CDKL1: variants seen among roughly 807,000 people sequenced by gnomAD.
CDKL1 encodes cyclin-dependent kinase-like 1.
In CDKL1, 41 loss-of-function variants were observed where a neutral mutation model predicts 42.0. The ratio of observed to expected loss-of-function variants is 0.98; its 90% CI spans 0.76 to 1.27. The LOEUF (loss-of-function observed/expected upper bound fraction) is 1.27. Ranked by LOEUF, CDKL1 falls within the 50% of genes most tolerant of loss-of-function variation. The pLI is 0.00. For synonymous variants in CDKL1, 153 were observed against 158.6 expected (o/e 0.96, Z 0.26); for missense variants, 394 against 428.4 (o/e 0.92, Z 0.71).
At chr14:50,376,207 T>C (rs2034727702) in intron 2 of CDKL1, 1 of 302,198 alleles carries the variant, frequency 3.3e-6, no homozygotes, top group South Asian at 3.6e-5. Context: ...CATGCTAATA[T>C]AAGATGTTAC....
chr14:50,363,526 G>C (rs1304006184), intron 2 of CDKL1, among the ~76,000 whole-genome samples: 1 of 152,170 alleles, frequency 6.6e-6, no homozygotes, highest in African/African-American at 2.4e-5. Flanking sequence ...CTTTCAGACT[G>C]AAAAATAATC....
chr14:50,372,307 A>T (rs2034612293), intron 2 of CDKL1, among the ~76,000 whole-genome samples: 1 of 151,886 alleles, frequency 6.6e-6, no homozygotes, highest in African/African-American at 2.4e-5. Context: ...TAGTAGAGAC[A>T]GAGTTTTGCC....
At chr14:50,370,054 TCTA>T (rs1403555588) in intron 2 of CDKL1, among the ~76,000 whole-genome samples, 1 of 151,874 alleles carries the variant, frequency 6.6e-6, no homozygotes, top group Non-Finnish European at 1.5e-5. Flanking sequence ...ACATTTGAAA[TCTA>T]CTCTTTTAGC....
chr14:50,343,477 T>A (rs1173643684), intron 4 of CDKL1, among the ~76,000 whole-genome samples: 1 of 152,192 alleles, frequency 6.6e-6, no homozygotes, highest in East Asian at 1.9e-4. Context: ...ATAATCGATC[T>A]GGTTCTTAGC....
At chr14:50,387,626 C>G (rs2035127081) in intron 2 of CDKL1, among the ~76,000 whole-genome samples, 1 of 152,162 alleles carries the variant, frequency 6.6e-6, no homozygotes, top group African/African-American at 2.4e-5. Context: ...CAGTTTGCCC[C>G]AGTCTCCACC....
At chr14:50,369,086 C>T (rs1321143093) in intron 2 of CDKL1, among the ~76,000 whole-genome samples, 1 of 152,032 alleles carries the variant, frequency 6.6e-6, no homozygotes, top group Non-Finnish European at 1.5e-5. Context: ...AGGCTGATCT[C>T]AAACTCTTGA....
chr14:50,374,530 A>G (rs1396521782), intron 2 of CDKL1, among the ~76,000 whole-genome samples: 2 of 152,274 alleles, frequency 1.3e-5, no homozygotes, highest in African/African-American at 4.8e-5. Flanking sequence ...CAAAGAGGGT[A>G]GAGGAAAAGC....
At chr14:50,345,222 T>C (rs1213107504) in intron 3 of CDKL1, among the ~76,000 whole-genome samples, 164 bp from the exon 4 acceptor site, 4 of 152,216 alleles carry the variant, frequency 2.6e-5, no homozygotes, top group Non-Finnish European at 5.9e-5. Flanking sequence ...TGTAAAAATA[T>C]GCGACCAGCA....
intron 2 of CDKL1, among the ~76,000 whole-genome samples, chr14:50,380,952 C>T (rs1334882235): frequency 6.6e-6 from 1 of 152,114 alleles, no homozygotes; most frequent in East Asian, 1.9e-4. Flanking sequence ...CAGGTGGGCA[C>T]CACCATGCCC....
intron 2 of CDKL1, among the ~76,000 whole-genome samples, chr14:50,376,642 T>A (rs941478081): frequency 6.6e-6 from 1 of 152,182 alleles, no homozygotes; most frequent in African/African-American, 2.4e-5. Flanking sequence ...AAAATAAATG[T>A]TCATTAAAAT....
intron 7 of CDKL1, among the ~76,000 whole-genome samples, chr14:50,336,725 T>C (rs2033297013): frequency 6.6e-6 from 1 of 152,202 alleles, no homozygotes; most frequent in Non-Finnish European, 1.5e-5. Context: ...TCTGAAATGT[T>C]TTTGATTACA....
chr14:50,389,478 T>TA (rs2035188454), intron 2 of CDKL1, among the ~76,000 whole-genome samples: 1 of 152,186 alleles, frequency 6.6e-6, no homozygotes, highest in African/African-American at 2.4e-5. Flanking sequence ...ATAAAAAAGT[T>TA]AGATTTTTTT....
intron 2 of CDKL1, among the ~76,000 whole-genome samples, chr14:50,372,838 A>C (rs1471778499): frequency 6.6e-6 from 1 of 151,708 alleles, no homozygotes. Flanking sequence ...TCAATTGACC[A>C]TTCAGGTGTG....
chr14:50,388,648 G>C (rs570413787), intron 2 of CDKL1, among the ~76,000 whole-genome samples: 11 of 152,304 alleles, frequency 7.2e-5, no homozygotes, highest in African/African-American at 2.6e-4. Context: ...CTTGACCGCT[G>C]TTAGATGTTT....
At chr14:50,368,381 C>T (rs915534071) in intron 2 of CDKL1, among the ~76,000 whole-genome samples, 6 of 152,018 alleles carry the variant, frequency 3.9e-5, no homozygotes. Context: ...TCAGCCTCCT[C>T]AGTAGCTGGG....
intron 9 of CDKL1, chr14:50,331,226 C>CA (rs1342730085): frequency 6.6e-6 from 1 of 152,158 alleles, no homozygotes; most frequent in African/African-American, 2.4e-5. Context: ...GAGTGAGACT[C>CA]AGTCTCAAAA....
intron 2 of CDKL1, chr14:50,363,351 C>G (rs1261372209): frequency 5.5e-5 from 9 of 163,956 alleles, no homozygotes; most frequent in Admixed American, 2.4e-4. Context: ...ACCTGAAAAC[C>G]CTTAGCCTGA....
intron 3 of CDKL1, among the ~76,000 whole-genome samples, chr14:50,346,927 G>A (rs1566583081): frequency 6.6e-6 from 1 of 152,110 alleles, no homozygotes; most frequent in Non-Finnish European, 1.5e-5. Flanking sequence ...GGGATTACAG[G>A]TGTGAACCAC....
Position 50,330,018 on chromosome 14 carries a change from TA to T in CDKL1, c.*55del, listed in dbSNP as rs1366297546. The T allele has an allele frequency of 3.3e-5, 52 of 1,575,026 alleles. No individual in the cohort carries two copies. In the Admixed American group the frequency reaches 1.0e-3, roughly 30 times the overall value. On this transcript the variant is annotated 3_prime_UTR_variant, in exon 10 of 10. Transcript: ENST00000395834. ...TGTTTTCAATCAACTGTATAAGTTTTATTTTCTTCAAAGCATCTATTGATTC... is the reference window on the plus strand; with the variant it reads ...TGTTTTCAATCAACTGTATAAGTTTTTTTTCTTCAAAGCATCTATTGATTC...
Sources: gnomAD v4.1 joint callset for allele counts (sites outside exome capture counted in the v4.1 genomes callset) on GRCh38, gnomAD v4.1.1 for gene constraint, MANE v1.5 for transcripts, NCBI Gene and HGNC (gene_info 2026-07-23, HGNC 2026-07-21) for gene names.